Variants in TPTE2 observed in about 807,000 individuals in gnomAD.
TPTE2 encodes the protein phosphatidylinositol 3,4,5-trisphosphate 3-phosphatase TPTE2.
Under a neutral mutation model 78.6 loss-of-function variants are expected in TPTE2, and 53 were observed. That is an observed-to-expected ratio of 0.67 (90% CI 0.54 to 0.85). The LOEUF (loss-of-function observed/expected upper bound fraction) is 0.85, where lower values mean the gene tolerates loss of function less well. Ranked by LOEUF, TPTE2 falls within the 40% of genes least tolerant of loss-of-function variation. The pLI is 0.00. For synonymous variants in TPTE2, 175 were observed against 206.2 expected, an observed-to-expected ratio of 0.85 and a Z score of 1.30; for missense variants, 461 against 623.0, an observed-to-expected ratio of 0.74 and a Z score of 2.77.
At chr13:19,459,379 A>C (rs1878743315) in intron 10 of TPTE2, among the ~76,000 whole-genome samples, 1 of 152,160 alleles carries the variant, frequency 6.6e-6, no homozygotes, top group Non-Finnish European at 1.5e-5. Flanking sequence ...GCTTCATCCC[A>C]GGGGGATACT....
intron 3 of TPTE2, among the ~76,000 whole-genome samples, chr13:19,491,427 TA>T (rs1880984045): frequency 6.6e-6 from 1 of 152,232 alleles, no homozygotes; most frequent in Non-Finnish European, 1.5e-5. Flanking sequence ...TCCTACCACA[TA>T]AGCCCAGTAA....
chr13:19,468,499 T>C (rs1010628655), intron 6 of TPTE2, among the ~76,000 whole-genome samples: 7 of 152,222 alleles, frequency 4.6e-5, no homozygotes, highest in Admixed American at 4.6e-4. Flanking sequence ...ATCTCTTCTA[T>C]ATACTGATTT....
rs552878107 is a variant in TPTE2 at position 19,486,747 on chromosome 13, G to C, written c.120-4200C>G. Among the ~76,000 whole-genome samples, 15 of 152,216 alleles carry C rather than the reference G, an allele frequency of 9.9e-5. No homozygotes were observed. On this transcript the variant is annotated intron_variant, in intron 3 of 19. Coordinates refer to ENST00000400230, the Ensembl canonical transcript of TPTE2. The surrounding 1 kb of genome is among the most constrained non-coding windows in gnomAD (Gnocchi z 4.3). ...ATATCTTTGCCAGGGCTGGCCAAGAGGGGGTGTTTCTCAGGCCTGGGATAC... is the reference window on the plus strand; with the variant it reads ...ATATCTTTGCCAGGGCTGGCCAAGACGGGGTGTTTCTCAGGCCTGGGATAC...
chr13:19,441,865 A>G (rs559451263), intron 13 of TPTE2, among the ~76,000 whole-genome samples: 2 of 152,224 alleles, frequency 1.3e-5, no homozygotes, highest in Admixed American at 6.5e-5. Flanking sequence ...TAATGAGAGA[A>G]TTTAGGAAGA....
chr13:19,504,887 T>C (rs1352722430), upstream of TPTE2, among the ~76,000 whole-genome samples: 2 of 152,048 alleles, frequency 1.3e-5, no homozygotes, highest in African/African-American at 2.4e-5. Flanking sequence ...TGTGTCTAGA[T>C]AGACAGAAGT....
chr13:19,448,107 C>A (rs570935435), intron 13 of TPTE2, among the ~76,000 whole-genome samples: 2 of 152,266 alleles, frequency 1.3e-5, no homozygotes, highest in Admixed American at 1.3e-4. Context: ...ATAAACGATA[C>A]TGGGGAAACT....
intron 10 of TPTE2, chr13:19,458,388 C>A (rs1878676413): frequency 2.6e-6 from 1 of 390,064 alleles, no homozygotes; most frequent in Non-Finnish European, 5.1e-6. Context: ...AGGTATAAGG[C>A]AGTGGCCAAT....
At chr13:19,425,525 G>A (rs1463994622) in intron 18 of TPTE2, among the ~76,000 whole-genome samples, 1 of 151,966 alleles carries the variant, frequency 6.6e-6, no homozygotes, top group East Asian at 1.9e-4. Context: ...TTCTCCTGAT[G>A]ACCACTTCAC....
chr13:19,440,428 T>TA (rs35288537), intron 13 of TPTE2, among the ~76,000 whole-genome samples: 27 of 151,564 alleles, frequency 1.8e-4, no homozygotes, highest in African/African-American at 5.3e-4. Flanking sequence ...TCTTTCTTGA[T>TA]AAAAAAAAAA....
At chr13:19,543,994 C>G in the TPTE2 span, among the ~76,000 whole-genome samples, 1 of 118,866 alleles carries the variant, frequency 8.4e-6, no homozygotes, top group Non-Finnish European at 1.6e-5. Flanking sequence ...CCTGGGAGAT[C>G]GAGGCTATAA....
chr13:19,498,794 A>C (rs1433093322), intron 1 of TPTE2, among the ~76,000 whole-genome samples: 1 of 152,128 alleles, frequency 6.6e-6, no homozygotes, highest in Admixed American at 6.5e-5. Flanking sequence ...ATTCACACAT[A>C]ACAATATTAA....
intron 10 of TPTE2, among the ~76,000 whole-genome samples, chr13:19,457,554 T>C (rs112038169): frequency 2.6e-5 from 4 of 151,180 alleles, no homozygotes; most frequent in African/African-American, 9.7e-5. Flanking sequence ...CCCCAGTGTG[T>C]GTTGTTCCCC....
At chr13:19,431,713 T>C (rs1876619051) in intron 16 of TPTE2, among the ~76,000 whole-genome samples, 2 of 144,050 alleles carry the variant, frequency 1.4e-5, no homozygotes, top group Non-Finnish European at 3.0e-5. Context: ...CAGAAATCAG[T>C]GAAATGTAGA....
chr13:19,523,392 C>G (rs912945768), intron 1 of TPTE2, among the ~76,000 whole-genome samples: 4 of 152,184 alleles, frequency 2.6e-5, no homozygotes, highest in African/African-American at 9.7e-5. Flanking sequence ...TTTTTCCTAG[C>G]TGCTTTTATG....
the TPTE2 span, among the ~76,000 whole-genome samples, chr13:19,559,730 C>A: frequency 1.4e-5 from 2 of 142,002 alleles, no homozygotes; most frequent in African/African-American, 2.5e-5. Context: ...ACATCCCCTG[C>A]AGCCCCCTGT....
chr13:19,498,998 A>C (rs1436843664), intron 1 of TPTE2, among the ~76,000 whole-genome samples: 21 of 151,786 alleles, frequency 1.4e-4, no homozygotes, highest in South Asian at 8.4e-4. Flanking sequence ...GGGTTGCAAT[A>C]CTAGTCTCTG....
intron 1 of TPTE2, among the ~76,000 whole-genome samples, chr13:19,522,998 A>C (rs891189794): frequency 6.6e-6 from 1 of 152,052 alleles, no homozygotes; most frequent in Non-Finnish European, 1.5e-5. Context: ...TATGTTCAGC[A>C]ATTGCCTCTG....
chr13:19,450,945 C>A (rs1878136836), intron 11 of TPTE2, among the ~76,000 whole-genome samples: 1 of 152,190 alleles, frequency 6.6e-6, no homozygotes, highest in Non-Finnish European at 1.5e-5. Flanking sequence ...ACTCCAGCCT[C>A]ATTGGTCCTG....
chr13:19,450,901 C>T (rs1878132825), intron 11 of TPTE2, among the ~76,000 whole-genome samples: 1 of 152,124 alleles, frequency 6.6e-6, no homozygotes, highest in Non-Finnish European at 1.5e-5. Context: ...CCTAATATGG[C>T]CAGAACAGAT....
Sources: gnomAD v4.1 joint callset for allele counts (sites outside exome capture counted in the v4.1 genomes callset) on GRCh38, gnomAD v4.1.1 for gene constraint, Gnocchi (gnomAD v3.1) non-coding constraint, MANE v1.5 for transcripts, NCBI Gene and HGNC (gene_info 2026-07-23, HGNC 2026-07-21) for gene names.